HPSE2: variants seen among roughly 807,000 people sequenced by gnomAD.
HPSE2 encodes inactive heparanase-2.
In HPSE2, 38 loss-of-function variants were observed where a neutral mutation model predicts 60.5. The ratio of observed to expected loss-of-function variants is 0.63; its 90% CI spans 0.48 to 0.82. HPSE2 has a LOEUF of 0.82. Ranked by LOEUF, HPSE2 falls within the 40% of genes least tolerant of loss-of-function variation. The pLI, the probability that HPSE2 is intolerant of heterozygous loss-of-function variation, is 0.00. For synonymous variants in HPSE2, 295 were observed against 293.2 expected (o/e 1.01, Z -0.06); for missense variants, 713 against 740.4 (o/e 0.96, Z 0.43).
intron 3 of HPSE2, among the ~76,000 whole-genome samples, chr10:99,030,347 A>G (rs1957472606): frequency 6.6e-6 from 1 of 152,206 alleles, no homozygotes; most frequent in Admixed American, 6.5e-5. Context: ...TTGAACAGAC[A>G]TTTCTGAAAA....
chr10:98,601,938 ACT>A (rs1481259978), intron 9 of HPSE2, among the ~76,000 whole-genome samples: 2 of 152,092 alleles, frequency 1.3e-5, no homozygotes, highest in Non-Finnish European at 2.9e-5. Flanking sequence ...AAATAGGGTA[ACT>A]CTCAGGCCCT....
chr10:99,009,349 G>C (rs1446672132), intron 3 of HPSE2, among the ~76,000 whole-genome samples: 1 of 151,520 alleles, frequency 6.6e-6, no homozygotes, highest in Non-Finnish European at 1.5e-5. Context: ...GAGCCCAGGA[G>C]TTTGAGGCTG....
chr10:98,812,894 G>A (rs1369614419), intron 3 of HPSE2, among the ~76,000 whole-genome samples: 2 of 152,114 alleles, frequency 1.3e-5, no homozygotes, highest in African/African-American at 4.8e-5. Flanking sequence ...GTTTGGATAG[G>A]AAACCCTAAG....
intron 3 of HPSE2, among the ~76,000 whole-genome samples, chr10:99,109,760 G>C (rs944573211): frequency 6.6e-6 from 1 of 152,118 alleles, no homozygotes; most frequent in African/African-American, 2.4e-5. Context: ...CCATACACTA[G>C]GTTGGGTATT....
chr10:99,197,248 G>T (rs1848431927), intron 2 of HPSE2, among the ~76,000 whole-genome samples: 1 of 152,096 alleles, frequency 6.6e-6, no homozygotes, highest in Non-Finnish European at 1.5e-5. Flanking sequence ...TTGGCAGGGA[G>T]GTGAAGATGG....
intron 3 of HPSE2, among the ~76,000 whole-genome samples, chr10:98,951,228 C>T (rs1955347864): frequency 6.6e-6 from 1 of 152,074 alleles, no homozygotes; most frequent in Non-Finnish European, 1.5e-5. Flanking sequence ...TAAAGAAATG[C>T]CGCAGACTTG....
At chr10:98,882,755 G>A (rs946088313) in intron 3 of HPSE2, among the ~76,000 whole-genome samples, 1 of 152,074 alleles carries the variant, frequency 6.6e-6, no homozygotes, top group African/African-American at 2.4e-5. Context: ...AACACAGAGA[G>A]TTTATGGGAA....
intron 3 of HPSE2, among the ~76,000 whole-genome samples, chr10:98,854,431 T>C (rs1952258207): frequency 6.6e-6 from 1 of 152,198 alleles, no homozygotes; most frequent in Non-Finnish European, 1.5e-5. Flanking sequence ...CAGCATTTCT[T>C]TGCTTGTCAA....
rs186567218 is a variant in HPSE2 at position 98,712,077 on chromosome 10, G to C, written c.956+9580C>G. On this transcript the variant is annotated intron_variant, in intron 5 of 11. Transcript: ENST00000370552. The stretch of plus-strand genomic sequence containing the variant: ...GTTGTGAGGGAAAGAAGAGGGAACA[G>C]AGGAAAAACTGGAAAATAAGAAAGT... Among the ~76,000 whole-genome samples the C allele has an allele frequency of 3.9e-5, 6 of 152,098 alleles. No homozygotes were observed. In the East Asian group the frequency reaches 1.2e-3, roughly 29 times the overall value.
intron 6 of HPSE2, among the ~76,000 whole-genome samples, chr10:98,691,468 T>G (rs1208177799): frequency 6.6e-6 from 1 of 152,214 alleles, no homozygotes; most frequent in Non-Finnish European, 1.5e-5. Context: ...GAAGAGTACT[T>G]GAATAGAAAA....
chr10:98,685,076 T>C (rs1947878868), intron 6 of HPSE2, among the ~76,000 whole-genome samples: 1 of 152,138 alleles, frequency 6.6e-6, no homozygotes, highest in Non-Finnish European at 1.5e-5. Flanking sequence ...CTCTACTAGG[T>C]TCTGCATTTA....
chr10:98,873,523 A>G (rs1952789251), intron 3 of HPSE2, among the ~76,000 whole-genome samples: 1 of 152,010 alleles, frequency 6.6e-6, no homozygotes, highest in African/African-American at 2.4e-5. Context: ...CATGCCCCTG[A>G]AAAGGACATG....
the HPSE2 span, among the ~76,000 whole-genome samples, chr10:99,292,053 G>T: frequency 6.6e-6 from 1 of 152,130 alleles, no homozygotes; most frequent in Non-Finnish European, 1.5e-5. Flanking sequence ...AGAAACCAGA[G>T]GGGGCCAAAT....
chr10:99,219,307 G>A (rs1378394451), intron 2 of HPSE2, among the ~76,000 whole-genome samples: 1 of 152,160 alleles, frequency 6.6e-6, no homozygotes, highest in Admixed American at 6.5e-5. Flanking sequence ...TGCAAAGGGG[G>A]TCTGGGATTC....
At chr10:98,712,537 G>A (rs540065738) in intron 5 of HPSE2, among the ~76,000 whole-genome samples, 4 of 152,196 alleles carry the variant, frequency 2.6e-5, no homozygotes, top group African/African-American at 9.6e-5. Context: ...GCACTTAGTA[G>A]AAGTGTTGTT....
chr10:98,944,069 C>T (rs1474679830), intron 3 of HPSE2, among the ~76,000 whole-genome samples: 3 of 151,866 alleles, frequency 2.0e-5, no homozygotes, highest in Non-Finnish European at 2.9e-5. Flanking sequence ...GACCAAAATC[C>T]CAGAGAGGGA....
intron 10 of HPSE2, among the ~76,000 whole-genome samples, chr10:98,486,829 T>C (rs901938011): frequency 6.6e-6 from 1 of 152,214 alleles, no homozygotes; most frequent in Admixed American, 6.5e-5. Flanking sequence ...CCAAACATTT[T>C]TTCCCTTAAT....
At chr10:98,465,813 T>A (rs1940504210) in intron 11 of HPSE2, among the ~76,000 whole-genome samples, 2 of 152,266 alleles carry the variant, frequency 1.3e-5, no homozygotes, top group African/African-American at 4.8e-5. Flanking sequence ...ATTCCCTAGC[T>A]TGCCTGAACT....
At chr10:98,850,736 CAAAAAAAA>C (rs11345838) in intron 3 of HPSE2, among the ~76,000 whole-genome samples, 4 of 71,894 alleles carry the variant, frequency 5.6e-5, no homozygotes, top group Non-Finnish European at 7.9e-5. Flanking sequence ...GACTCCATCT[CAAAAAAAA>C]AAAAAAAAAA....
Sources: gnomAD v4.1 joint callset for allele counts (sites outside exome capture counted in the v4.1 genomes callset) on GRCh38, gnomAD v4.1.1 for gene constraint, MANE v1.5 for transcripts, NCBI Gene and HGNC (gene_info 2026-07-23, HGNC 2026-07-21) for gene names.